The following GRM7 variants were observed in gnomAD, a reference collection of about 807,000 sequenced individuals.
GRM7 encodes glutamate metabotropic receptor 7.
In GRM7, 35 loss-of-function variants were observed where a neutral mutation model predicts 84.5. The observed-to-expected ratio is 0.41, with a 90% CI of 0.32 to 0.55. The LOEUF (loss-of-function observed/expected upper bound fraction) is 0.55, where lower values mean the gene tolerates loss of function less well. Among genes scored for constraint, GRM7 ranks in the 20% least tolerant of loss-of-function variants. The pLI, the probability that GRM7 is intolerant of heterozygous loss-of-function variation, is 0.19. For synonymous variants in GRM7, 487 were observed against 455.1 expected (o/e 1.07, Z -0.89); for missense variants, 1,003 against 1,194.6 (o/e 0.84, Z 2.36).
At chr3:7,591,930 C>A (rs1695800508) in intron 8 of GRM7, among the ~76,000 whole-genome samples, 1 of 152,074 alleles carries the variant, frequency 6.6e-6, no homozygotes, top group African/African-American at 2.4e-5. Context: ...GGGATACGGA[C>A]AATAAAAAGG....
chr3:6,865,968 T>C (rs1389187794), intron 1 of GRM7, among the ~76,000 whole-genome samples: 3 of 152,120 alleles, frequency 2.0e-5, no homozygotes, highest in Non-Finnish European at 4.4e-5. Flanking sequence ...ACCTAACAGA[T>C]GGTGAGTGGG....
chr3:6,865,210 G>A (rs574142185), intron 1 of GRM7, among the ~76,000 whole-genome samples: 1 of 152,226 alleles, frequency 6.6e-6, no homozygotes, highest in Admixed American at 6.5e-5. Flanking sequence ...CTAATGCTAA[G>A]AAAGATTAAA....
At chr3:7,436,142 T>G (rs1415576540) in intron 5 of GRM7, among the ~76,000 whole-genome samples, 1 of 152,188 alleles carries the variant, frequency 6.6e-6, no homozygotes, top group Non-Finnish European at 1.5e-5. Flanking sequence ...CCACTGCATC[T>G]GGCCTTATCA....
Position 7,151,420 on chromosome 3 carries a change from A to G in GRM7, c.736+4752A>G, listed in dbSNP as rs907772087. ...AGACTCTGTCTCAAAACAAACAACA[A>G]ACAAACAAACAAACATACAAACAAA... On this transcript the variant is annotated intron_variant, in intron 2 of 9. Coordinates refer to ENST00000357716, the MANE Select transcript of GRM7 (RefSeq NM_000844.4). This position sits in a 1 kb window ranked among gnomAD's most constrained non-coding sequence, Gnocchi z 4.5. Among the ~76,000 whole-genome samples, 11 of 152,024 alleles carry G rather than the reference A, an allele frequency of 7.2e-5. No homozygotes were observed. Among genetic ancestry groups the G allele is most frequent in the African/African-American group, 2.4e-4 (10 of 41,410 alleles).
chr3:7,574,346 G>C (rs1559413071), intron 7 of GRM7, among the ~76,000 whole-genome samples: 1 of 152,002 alleles, frequency 6.6e-6, no homozygotes, highest in Non-Finnish European at 1.5e-5. Flanking sequence ...TGTTAGTAGA[G>C]GCAGGGTTTC....
chr3:7,003,802 AC>A (rs1423850805), intron 1 of GRM7, among the ~76,000 whole-genome samples: 1 of 152,200 alleles, frequency 6.6e-6, no homozygotes, highest in Non-Finnish European at 1.5e-5. Flanking sequence ...AACAATAAAC[AC>A]TTATTTCATA....
Position 6,861,715 on chromosome 3 carries a change from T to C in GRM7, c.327T>C (p.Cys109=), listed in dbSNP as rs781674511. 7.4e-6 allele frequency: 12 copies of C among 1,614,150 alleles called. 1 individual carries two copies. The highest frequency in any genetic ancestry group is 3.3e-5 in the Admixed American group (2 of 60,034). ...TGGGCGCGCGGATCCTGGACACTTGTTCCAGGGACACTTACGCGCTCGAAC... is the reference window on the plus strand; with the variant it reads ...TGGGCGCGCGGATCCTGGACACTTGCTCCAGGGACACTTACGCGCTCGAAC... ...VTLGARILDT[C]SRDTYALEQS... The change falls in exon 1 of 10, where the codon TGT becomes TGC. Residue 109 remains cysteine (C), a synonymous_variant. Coordinates refer to ENST00000357716, the MANE Select transcript of GRM7 (RefSeq NM_000844.4). The surrounding 1 kb of genome is among the most constrained non-coding windows in gnomAD (Gnocchi z 6.4).
chr3:7,554,451 G>A (rs1163459396), intron 7 of GRM7, among the ~76,000 whole-genome samples: 1 of 152,182 alleles, frequency 6.6e-6, no homozygotes, highest in Non-Finnish European at 1.5e-5. Flanking sequence ...GAAGCTTACA[G>A]TTGAGCAAAT....
intron 8 of GRM7, among the ~76,000 whole-genome samples, chr3:7,603,064 T>C (rs1028260030): frequency 6.6e-6 from 1 of 152,174 alleles, no homozygotes; most frequent in African/African-American, 2.4e-5. Context: ...AAATATGTAA[T>C]GTAGACGGTA....
intron 9 of GRM7, among the ~76,000 whole-genome samples, chr3:7,684,146 A>T (rs938923937): frequency 6.6e-6 from 1 of 152,244 alleles, no homozygotes; most frequent in Non-Finnish European, 1.5e-5. Context: ...TGACTATGCT[A>T]TACTAGGTAA....
chr3:7,338,262 C>A (rs58846952), intron 4 of GRM7, among the ~76,000 whole-genome samples: 5,930 of 151,848 alleles, frequency 0.039, 242 homozygotes, highest in African/African-American at 0.11. Flanking sequence ...ACCAAACATT[C>A]TATATTCTCA....
chr3:7,297,976 T>A (rs1048024586), intron 2 of GRM7, among the ~76,000 whole-genome samples: 13 of 152,218 alleles, frequency 8.5e-5, no homozygotes, highest in African/African-American at 3.1e-4. Flanking sequence ...ATTAATATTA[T>A]ACTGGCTCTG....
At chr3:7,602,251 C>T (rs1050586104) in intron 8 of GRM7, among the ~76,000 whole-genome samples, 1 of 152,030 alleles carries the variant, frequency 6.6e-6, no homozygotes, top group African/African-American at 2.4e-5. Flanking sequence ...GTAGAGGCAT[C>T]CCATTCTTCT....
chr3:7,006,844 G>T (rs978411246), intron 1 of GRM7, among the ~76,000 whole-genome samples: 8 of 152,162 alleles, frequency 5.3e-5, no homozygotes, highest in African/African-American at 1.7e-4. Flanking sequence ...CCTACTATGT[G>T]TTAGAATCTG....
chr3:7,311,536 C>G (rs1287545441), intron 4 of GRM7, among the ~76,000 whole-genome samples: 1 of 152,054 alleles, frequency 6.6e-6, no homozygotes, highest in African/African-American at 2.4e-5. Flanking sequence ...GGGCATTTAT[C>G]CTCCCTGTAT....
chr3:7,443,151 GTAGTGTAATGAATCACCATGTATCCAT>G lies in GRM7; in HGVS notation c.1175-9455_1175-9429del, dbSNP rs1211361562. Among the ~76,000 whole-genome samples the G allele has an allele frequency of 3.3e-5, 5 of 152,118 alleles. No homozygotes were observed. In the East Asian group the frequency reaches 9.7e-4, roughly 29 times the overall value. ...TCAGACCAACACAAAAGCAGAAAGA[GTAGTGTAATGAATCACCATGTATCCAT>G]CACTGAACCCCAACAGCTGTCATAA... is the stretch of plus-strand genomic sequence containing the variant. On this transcript the variant is annotated intron_variant, in intron 5 of 9. Transcript: ENST00000357716.
chr3:7,633,096 A>C (rs1445645343), intron 8 of GRM7, among the ~76,000 whole-genome samples: 1 of 152,234 alleles, frequency 6.6e-6, no homozygotes, highest in Admixed American at 6.5e-5. Context: ...TGGGTATAAA[A>C]CTCTAAAAAT....
intron 1 of GRM7, among the ~76,000 whole-genome samples, chr3:7,008,406 G>A (rs1254484702): frequency 6.6e-6 from 1 of 152,156 alleles, no homozygotes; most frequent in African/African-American, 2.4e-5. Flanking sequence ...AACGTCTGAT[G>A]ACAATTCACA....
At chr3:7,372,271 G>A (rs1298667507) in intron 4 of GRM7, among the ~76,000 whole-genome samples, 1 of 152,184 alleles carries the variant, frequency 6.6e-6, no homozygotes. Flanking sequence ...ATCACGTAAA[G>A]ACGTTTGTGT....
Sources: allele counts gnomAD v4.1 joint callset (sites outside exome capture counted in the v4.1 genomes callset), GRCh38; gene constraint gnomAD v4.1.1; non-coding constraint Gnocchi (gnomAD v3.1); transcripts MANE v1.5; gene names NCBI Gene and HGNC (gene_info 2026-07-23, HGNC 2026-07-21).